Variants in ILDR1 observed in about 807,000 individuals in gnomAD.
ILDR1 encodes immunoglobulin-like domain-containing receptor 1.
Under a neutral mutation model 62.4 loss-of-function variants are expected in ILDR1, and 56 were observed. That is an observed-to-expected ratio of 0.90 (90% CI 0.72 to 1.12). ILDR1 has a LOEUF of 1.12. Ranked by LOEUF, ILDR1 falls within the 50% of genes most tolerant of loss-of-function variation. The pLI is 0.00. For missense variants in ILDR1, 736 were observed against 710.6 expected (o/e 1.04, Z -0.41); for synonymous variants, 284 against 277.8 (o/e 1.02, Z -0.22).
the ILDR1 span, among the ~76,000 whole-genome samples, chr3:122,060,940 C>G: frequency 1.3e-5 from 2 of 151,958 alleles, no homozygotes; most frequent in African/African-American, 4.8e-5. Flanking sequence ...GGAAAAAAAA[C>G]CCATTAGAGT....
rs752823578 is a variant in ILDR1 at position 121,988,418 on chromosome 3, A to G, written c.1600-10T>C. ...GAGAGCTGTCTTTCTCCTGGGAAAT[A>G]GAAGAATACACACACAAAAAAAATC... On this transcript the variant is annotated splice_polypyrimidine_tract_variant and intron_variant, in intron 7 of 7. Coordinates refer to ENST00000344209, the MANE Select transcript of ILDR1 (RefSeq NM_001199799.2). 12 of 1,611,712 alleles carry G rather than the reference A, an allele frequency of 7.4e-6. No individual in the cohort carries two copies. The highest frequency in any genetic ancestry group is 1.0e-5 in the Non-Finnish European group (12 of 1,177,950).
chr3:121,993,001 C>T (rs780098845), intron 7 of ILDR1, 149 bp downstream of exon 7: 10 of 711,726 alleles, frequency 1.4e-5, no homozygotes, highest in Non-Finnish European at 2.3e-5. Context: ...AAGAGGTAGT[C>T]CACCTAGCCC....
the ILDR1 span, among the ~76,000 whole-genome samples, chr3:122,055,013 C>G: frequency 1.3e-5 from 2 of 152,030 alleles, no homozygotes; most frequent in Non-Finnish European, 2.9e-5. Context: ...GGTGGCTACT[C>G]ACTCCCAATC....
chr3:122,014,381 T>C (rs73855495), intron 1 of ILDR1, among the ~76,000 whole-genome samples: 14 of 152,342 alleles, frequency 9.2e-5, no homozygotes, highest in African/African-American at 3.1e-4. Context: ...CATTGATTTG[T>C]GACTTTTTCT....
At chr3:122,000,263 AAAAAAG>A (rs1559874501) in intron 5 of ILDR1, among the ~76,000 whole-genome samples, 1 of 151,498 alleles carries the variant, frequency 6.6e-6, no homozygotes, top group Non-Finnish European at 1.5e-5. Flanking sequence ...GAAAAAAAAA[AAAAAAG>A]AAAAAACAGA....
At chr3:122,012,961 A>C (rs2071725452) in intron 1 of ILDR1, among the ~76,000 whole-genome samples, 1 of 152,202 alleles carries the variant, frequency 6.6e-6, no homozygotes, top group Admixed American at 6.5e-5. Context: ...GAGACCTGTC[A>C]CATGGGTAGA....
chr3:122,030,675 A>G, the ILDR1 span, among the ~76,000 whole-genome samples: 4 of 150,174 alleles, frequency 2.7e-5, no homozygotes, highest in Admixed American at 1.3e-4. Context: ...CTCTTCTGGC[A>G]AGGCTCAGTT....
At chr3:122,001,942 T>G (rs369781558) in intron 3 of ILDR1, 78 bp from the exon 4 acceptor site, 3 of 1,517,206 alleles carry the variant, frequency 2.0e-6, no homozygotes, top group African/African-American at 2.7e-5. Context: ...CCTCAAGACC[T>G]GGGCAGCATG....
the ILDR1 span, among the ~76,000 whole-genome samples, chr3:122,029,220 A>T: frequency 6.6e-6 from 1 of 152,174 alleles, no homozygotes. Flanking sequence ...AAAAATATAC[A>T]GGGGGGCCGG....
In ILDR1 at chr3:121,987,447, T is replaced by C. The variant is rs2071267521; in HGVS notation, c.*920A>G. 1 of 151,948 alleles carries C rather than the reference T, an allele frequency of 6.6e-6. No individual in the cohort carries two copies. The highest frequency in any genetic ancestry group is 2.1e-4 in the South Asian group (1 of 4,816). 9.4% of individuals were successfully genotyped at this position (151,948 alleles called of 1,614,324 possible). A position where few individuals can be genotyped will look rare whatever the true frequency, so the allele number is the denominator to read the frequency against. On this transcript the variant is annotated 3_prime_UTR_variant, in exon 8 of 8. Coordinates refer to ENST00000344209, the MANE Select transcript of ILDR1 (RefSeq NM_001199799.2). ...GACTTCAATCAATACACAATATATATGAAAATATAAATTAGATATACAGGT... is the reference window on the plus strand; with the variant it reads ...GACTTCAATCAATACACAATATATACGAAAATATAAATTAGATATACAGGT...
intron 5 of ILDR1, among the ~76,000 whole-genome samples, chr3:121,997,338 G>C (rs1397537364): frequency 6.6e-6 from 1 of 152,158 alleles, no homozygotes; most frequent in East Asian, 1.9e-4. Context: ...TTGAACTCTT[G>C]TCATTTTAGC....
the ILDR1 span, among the ~76,000 whole-genome samples, chr3:122,028,196 C>G: frequency 6.6e-6 from 1 of 151,340 alleles, no homozygotes; most frequent in East Asian, 1.9e-4. Context: ...ATTAGCTGGG[C>G]GTGGTGGCGG....
upstream of ILDR1, among the ~76,000 whole-genome samples, chr3:122,022,742 C>T (rs543616640): frequency 5.9e-5 from 9 of 152,062 alleles, no homozygotes; most frequent in Non-Finnish European, 1.3e-4. Flanking sequence ...CATGGCGAAA[C>T]CCTGTCTAAT....
chr3:122,058,771 T>C, the ILDR1 span, among the ~76,000 whole-genome samples: 1 of 152,080 alleles, frequency 6.6e-6, no homozygotes, highest in East Asian at 1.9e-4. Context: ...AAAAAATCCC[T>C]TGGCAGAAGA....
chr3:122,035,361 A>G, the ILDR1 span, among the ~76,000 whole-genome samples: 1 of 152,174 alleles, frequency 6.6e-6, no homozygotes, highest in Non-Finnish European at 1.5e-5. Context: ...CAGGTTCACA[A>G]TGCCTGATTA....
upstream of ILDR1, among the ~76,000 whole-genome samples, chr3:122,024,405 T>G (rs2107685255): frequency 6.6e-6 from 1 of 152,358 alleles, no homozygotes; most frequent in East Asian, 1.9e-4. Context: ...TGGAGACTTC[T>G]ATGTAAACAA....
upstream of ILDR1, among the ~76,000 whole-genome samples, chr3:122,025,533 T>A (rs1344293125): frequency 6.6e-6 from 1 of 152,226 alleles, no homozygotes; most frequent in Non-Finnish European, 1.5e-5. Context: ...CTTCTGTGTG[T>A]TGACTGAGCT....
intron 1 of ILDR1, among the ~76,000 whole-genome samples, chr3:122,019,842 C>A (rs1311878738): frequency 6.6e-6 from 1 of 152,180 alleles, no homozygotes; most frequent in African/African-American, 2.4e-5. Context: ...AGGTGATGGA[C>A]CAAAATGAAC....
the ILDR1 span, among the ~76,000 whole-genome samples, chr3:122,058,652 G>A: frequency 6.6e-6 from 1 of 152,082 alleles, no homozygotes; most frequent in Non-Finnish European, 1.5e-5. Flanking sequence ...GCTGGGTGGG[G>A]CCAGAACAAG....
Sources: gnomAD v4.1 joint callset for allele counts (sites outside exome capture counted in the v4.1 genomes callset) on GRCh38, gnomAD v4.1.1 for gene constraint, MANE v1.5 for transcripts, NCBI Gene and HGNC (gene_info 2026-07-23, HGNC 2026-07-21) for gene names.